The following TRPM1 variants were observed in gnomAD, a reference collection of about 807,000 sequenced individuals.
TRPM1 encodes the protein transient receptor potential cation channel subfamily M member 1.
TRPM1 carries 113 observed loss-of-function variants against 149.4 expected under a neutral mutation model. The observed-to-expected ratio is 0.76, with a 90% CI of 0.65 to 0.88. TRPM1 has a LOEUF of 0.88. Among genes scored for constraint, TRPM1 ranks in the 40% least tolerant of loss-of-function variants. TRPM1 has a pLI of 0.00. For synonymous variants in TRPM1, 741 were observed against 759.5 expected (o/e 0.98, Z 0.40); for missense variants, 1,976 against 2,038.7 (o/e 0.97, Z 0.59).
At position 31,134,902 on chromosome 15, in the gene TRPM1, C is replaced by G. The variant is rs537532105; in HGVS notation, c.54+26004G>C. Among the ~76,000 whole-genome samples the G allele has an allele frequency of 2.6e-5, 4 of 152,184 alleles. No homozygotes were observed. In the East Asian group the frequency reaches 7.7e-4, roughly 29 times the overall value. ...CCTGTAATCCCAGCTACTTGGGAGG[C>G]TGAGGCAGGAGAATCACTTGAATCT... On this transcript the variant is annotated intron_variant, in intron 1 of 26. Transcript: ENST00000542188.
intron 3 of TRPM1, among the ~76,000 whole-genome samples, chr15:31,074,880 C>T (rs531784568): frequency 6.3e-4 from 96 of 152,252 alleles, no homozygotes; most frequent in African/African-American, 2.2e-3. Flanking sequence ...GTCTTCATTT[C>T]CATTTACCTA....
chr15:31,086,624 G>A (rs1596055269), intron 1 of TRPM1, among the ~76,000 whole-genome samples: 1 of 152,130 alleles, frequency 6.6e-6, no homozygotes, highest in Non-Finnish European at 1.5e-5. Flanking sequence ...GGTCTGAGTG[G>A]AGCCAGCACT....
chr15:31,146,760 G>T (rs7162049), intron 1 of TRPM1, among the ~76,000 whole-genome samples: 4,934 of 152,268 alleles, frequency 0.032, 261 homozygotes, highest in African/African-American at 0.11. Context: ...GCAGAGGCAG[G>T]CTAATCACCT....
At chr15:31,003,332 G>A (rs774530020) in intron 27 of TRPM1, among the ~76,000 whole-genome samples, 1 of 152,174 alleles carries the variant, frequency 6.6e-6, no homozygotes, top group Non-Finnish European at 1.5e-5. Flanking sequence ...CTCACTAACA[G>A]GTACTTACTG....
intron 27 of TRPM1, among the ~76,000 whole-genome samples, chr15:31,009,346 T>A (rs1008871535): frequency 2.0e-5 from 3 of 152,142 alleles, no homozygotes; most frequent in Non-Finnish European, 2.9e-5. Context: ...AAATAAAATT[T>A]AAAATTAAAA....
intron 1 of TRPM1, among the ~76,000 whole-genome samples, chr15:31,131,424 G>A (rs542695287): frequency 6.6e-6 from 1 of 152,248 alleles, no homozygotes; most frequent in African/African-American, 2.4e-5. Context: ...TCTTCTATGT[G>A]TGAAATTATG....
chr15:31,110,794 G>C (rs1265453322), intron 1 of TRPM1, among the ~76,000 whole-genome samples: 1 of 152,080 alleles, frequency 6.6e-6, no homozygotes, highest in Non-Finnish European at 1.5e-5. Flanking sequence ...GTTACTTCCT[G>C]TCTGATTCTA....
chr15:31,121,268 A>C (rs952254818), intron 1 of TRPM1, among the ~76,000 whole-genome samples: 2 of 151,784 alleles, frequency 1.3e-5, no homozygotes, highest in South Asian at 4.2e-4. Context: ...CCGGTAATCT[A>C]AGTTTTCACC....
At chr15:31,109,860 A>G (rs1357242622) in intron 1 of TRPM1, among the ~76,000 whole-genome samples, 1 of 152,158 alleles carries the variant, frequency 6.6e-6, no homozygotes, top group African/African-American at 2.4e-5. Flanking sequence ...CTTGGTTCCC[A>G]GGCTGGAGAC....
intron 1 of TRPM1, among the ~76,000 whole-genome samples, chr15:31,127,303 G>A (rs575988773): frequency 6.6e-6 from 1 of 152,310 alleles, no homozygotes; most frequent in Admixed American, 6.5e-5. Context: ...GCTGCCATCT[G>A]GGTGCAATTC....
rs372714867 is a variant in TRPM1 at position 31,077,113 on chromosome 15, A to G, written c.4-129T>C. On this transcript the variant is annotated intron_variant, in intron 2 of 27. Coordinates refer to ENST00000256552, the MANE Select transcript of TRPM1 (RefSeq NM_001252024.2). The stretch of plus-strand genomic sequence containing the variant: ...GAATAGTCATCTGCAATAATGGTGG[A>G]TGCAAGTCTTTAAGGATCTTAGCTC... The G allele has an allele frequency of 7.5e-5, 52 of 696,088 alleles. No individual in the cohort carries two copies. The East Asian group carries it at 1.3e-3, about 18-fold the overall frequency. 43.1% of individuals were successfully genotyped at this position (696,088 alleles called of 1,614,324 possible).
rs570967201 is a variant in TRPM1, at chr15:31,018,881, C to T, written c.3629+7258G>A. On this transcript the variant is annotated intron_variant, in intron 27 of 27. Coordinates refer to ENST00000256552, the MANE Select transcript of TRPM1 (RefSeq NM_001252024.2). Reference sequence around the variant, plus strand: ...ATGTTGGCCAAGCTGATCTCGAACTCCTGGCCCCAAGCAATCAGCCCACCT... The same window carrying T: ...ATGTTGGCCAAGCTGATCTCGAACTTCTGGCCCCAAGCAATCAGCCCACCT... Among the ~76,000 whole-genome samples, 3 of 152,336 alleles carry T rather than the reference C, an allele frequency of 2.0e-5. No homozygotes were observed. In the East Asian group the frequency reaches 5.8e-4, roughly 29 times the overall value.
intron 1 of TRPM1, among the ~76,000 whole-genome samples, chr15:31,118,296 A>G (rs755773298): frequency 5.9e-5 from 9 of 152,110 alleles, no homozygotes; most frequent in Non-Finnish European, 8.8e-5. Flanking sequence ...AAAAAGCTGT[A>G]TCGTACATGT....
Position 31,040,183 on chromosome 15 carries a change from T to C in TRPM1, c.2251A>G (p.Ser751Gly), listed in dbSNP as rs372933462. The C allele has an allele frequency of 9.5e-5, 154 of 1,614,112 alleles. No individual in the cohort carries two copies. Among genetic ancestry groups the C allele is most frequent in the Non-Finnish European group, 1.3e-4 (150 of 1,180,050 alleles). The change falls in exon 18 of 28, where the codon AGC (serine) becomes GGC (glycine). Residue 751 changes from serine (S) to glycine (G), a missense_variant. Coordinates refer to ENST00000256552, the MANE Select transcript of TRPM1 (RefSeq NM_001252024.2). The surrounding 1 kb of genome is among the most constrained non-coding windows in gnomAD (Gnocchi z 4.2). Reference sequence around the variant, plus strand: ...CACATATCGGTCAGCAGCATCTGGCTGCAGGTGTGAGCAATGAAGTCCCGG... The same window carrying C: ...CACATATCGGTCAGCAGCATCTGGCCGCAGGTGTGAGCAATGAAGTCCCGG... ...KHRDFIAHTC[S>G]QMLLTDMWMG...
chr15:31,063,452 C>T (rs1028916206), intron 7 of TRPM1, among the ~76,000 whole-genome samples, 160 bp from the exon 8 acceptor site: 1 of 151,836 alleles, frequency 6.6e-6, no homozygotes, highest in Non-Finnish European at 1.5e-5. Context: ...TTTTCTTTTT[C>T]TTTTCTTTTC....
chr15:31,011,337 T>G (rs1223313179), intron 27 of TRPM1, among the ~76,000 whole-genome samples: 1 of 151,908 alleles, frequency 6.6e-6, no homozygotes, highest in East Asian at 1.9e-4. Flanking sequence ...TGTTATGTCT[T>G]TTTTTTTGTC....
At chr15:31,084,567 C>T (rs1033931456) in intron 1 of TRPM1, among the ~76,000 whole-genome samples, 9 of 152,138 alleles carry the variant, frequency 5.9e-5, no homozygotes, top group African/African-American at 2.2e-4. Context: ...CTGTAATATT[C>T]CATTACATGA....
At chr15:31,094,750 G>A (rs2035331820) in intron 1 of TRPM1, among the ~76,000 whole-genome samples, 1 of 152,224 alleles carries the variant, frequency 6.6e-6, no homozygotes, top group Non-Finnish European at 1.5e-5. Context: ...GGATGTGGAG[G>A]AATTGGAACC....
chr15:31,151,756 T>G (rs1484242855), intron 1 of TRPM1, among the ~76,000 whole-genome samples: 1 of 152,172 alleles, frequency 6.6e-6, no homozygotes, highest in Non-Finnish European at 1.5e-5. Flanking sequence ...ACCTCTGACC[T>G]CACATCTCCC....
Sources: gnomAD v4.1 joint callset for allele counts (sites outside exome capture counted in the v4.1 genomes callset) on GRCh38, gnomAD v4.1.1 for gene constraint, Gnocchi (gnomAD v3.1) non-coding constraint, MANE v1.5 for transcripts, NCBI Gene and HGNC (gene_info 2026-07-23, HGNC 2026-07-21) for gene names.